TATDN3: variants seen among roughly 807,000 people sequenced by gnomAD.
TATDN3 encodes deoxyribonuclease TATDN3.
TATDN3 carries 29 observed loss-of-function variants against 40.1 expected under a neutral mutation model. The ratio of observed to expected loss-of-function variants is 0.72; its 90% CI spans 0.54 to 0.99. The LOEUF is 0.99. Ranked by LOEUF, TATDN3 falls within the 50% of genes least tolerant of loss-of-function variation. The pLI, the probability that TATDN3 is intolerant of heterozygous loss-of-function variation, is 0.00. For missense variants in TATDN3, 309 were observed against 321.9 expected (o/e 0.96, Z 0.31); for synonymous variants, 105 against 117.0 (o/e 0.90, Z 0.66).
intron 2 of TATDN3, 23 bp from the exon 3 acceptor site, chr1:212,796,494 T>A: frequency 1.3e-6 from 2 of 1,485,204 alleles, no homozygotes; most frequent in Non-Finnish European, 1.8e-6. Context: ...TGTTTGTAAC[T>A]TTATTCTTTT....
At chr1:212,794,360 G>T (rs542687533) in intron 1 of TATDN3, among the ~76,000 whole-genome samples, 1 of 152,134 alleles carries the variant, frequency 6.6e-6, no homozygotes, top group African/African-American at 2.4e-5. Flanking sequence ...GGAGGCCAAG[G>T]TGGGTGGGTC....
intron 4 of TATDN3, among the ~76,000 whole-genome samples, chr1:212,799,926 A>G (rs967736862): frequency 3.9e-5 from 6 of 152,224 alleles, no homozygotes; most frequent in African/African-American, 1.4e-4. Context: ...GAGCAGAGTT[A>G]GCCCTATTTT....
chr1:212,806,783 T>TATATATATACAC (rs796710955), intron 7 of TATDN3, among the ~76,000 whole-genome samples: 10 of 79,518 alleles, frequency 1.3e-4, no homozygotes, highest in South Asian at 4.7e-4. Flanking sequence ...TATATATATA[T>TATATATATACAC]ACACACACAC....
Position 212,797,131 on chromosome 1 carries a change from C to T in TATDN3, c.193C>T (p.Pro65Ser), listed in dbSNP as rs1339047487. 6.2e-7 allele frequency: 1 copy of T among 1,614,048 alleles called. No individual in the cohort carries two copies. Among genetic ancestry groups the T allele is most frequent in the Non-Finnish European group, 8.5e-7 (1 of 1,179,946 alleles). The change falls in exon 4 of 10, where the codon CCA becomes TCA. Residue 65 changes from proline to serine, a missense_variant. Pro to Ser is a moderately conservative substitution (Grantham distance 74). Transcript: ENST00000366974. ...TTTTAGGTATAATGGGTTTGTCCTG[C>T]CATGCTTGGGTGTTCATCCAGTTCA... ...LSERYNGFVLPCLGVHPVQGL... is the reference protein window; with the variant it reads ...LSERYNGFVLSCLGVHPVQGL...
chr1:212,804,299 T>C, intron 5 of TATDN3, 21 bp from the exon 6 acceptor site: 1 of 1,573,002 alleles, frequency 6.4e-7, no homozygotes, highest in Admixed American at 1.7e-5. Context: ...ATATGTAATA[T>C]CTTTTATTTT....
intron 1 of TATDN3, chr1:212,793,125 A>C (rs1661471162): frequency 6.6e-6 from 1 of 152,222 alleles, no homozygotes. Context: ...GGAGGTTTGC[A>C]GGGGATAGAT....
intron 9 of TATDN3, among the ~76,000 whole-genome samples, chr1:212,814,062 C>T (rs1236048765): frequency 2.0e-5 from 3 of 151,596 alleles, no homozygotes; most frequent in African/African-American, 7.3e-5. Flanking sequence ...TCAAGTGATC[C>T]TCCCACCTCG....
In TATDN3 at chr1:212,815,212, A is replaced by C. The variant is rs977109413; in HGVS notation, c.*56A>C. The C allele has an allele frequency of 7.1e-6, 11 of 1,548,610 alleles. No individual in the cohort carries two copies. In the Admixed American group the frequency reaches 2.2e-4, roughly 32 times the overall value. On this transcript the variant is annotated 3_prime_UTR_variant, in exon 10 of 10. Transcript: ENST00000366974. ...AACTGCAGGGGGCAGCATTTGAAAA[A>C]TAGAAATGTTCTGATGAAGAATCTG... is the stretch of plus-strand genomic sequence containing the variant.
chr1:212,810,437 G>A (rs1195047574), intron 8 of TATDN3, among the ~76,000 whole-genome samples: 7 of 149,706 alleles, frequency 4.7e-5, no homozygotes, highest in Middle Eastern at 3.2e-3. Flanking sequence ...GCGTGAACCC[G>A]GGAGGCGGAG....
chr1:212,816,624 T>G lies in TATDN3; in HGVS notation c.*1468T>G, dbSNP rs1457453197. On this transcript the variant is annotated 3_prime_UTR_variant, in exon 10 of 10. Transcript: ENST00000366974. ...AAAAAATAAACTTCCTAAATCAAAG[T>G]GATTTTATGAAATGATCTTCAATAA... 3.3e-5 allele frequency: 5 copies of G among 152,204 alleles called. No individual in the cohort carries two copies. Among genetic ancestry groups the G allele is most frequent in the Admixed American group, 6.5e-5 (1 of 15,278 alleles). The allele number at this position is 152,204 out of a possible 1,614,324, so 9.4% of individuals were successfully genotyped here.
chr1:212,814,784 A>G (rs1481157557), intron 9 of TATDN3, among the ~76,000 whole-genome samples: 4 of 152,210 alleles, frequency 2.6e-5, no homozygotes, highest in Non-Finnish European at 5.9e-5. Flanking sequence ...GCTAGGAGCT[A>G]GGGACTTCAA....
intron 9 of TATDN3, among the ~76,000 whole-genome samples, chr1:212,814,774 G>A (rs896258578): frequency 4.6e-5 from 7 of 152,164 alleles, no homozygotes; most frequent in Admixed American, 3.9e-4. Flanking sequence ...TGCTTCATGT[G>A]CTAGGAGCTA....
chr1:212,796,580 C>A lies in TATDN3; in HGVS notation c.163C>A (p.Leu55Ile). 1.3e-6 allele frequency: 2 copies of A among 1,570,816 alleles called. No individual in the cohort carries two copies. The highest frequency in any genetic ancestry group is 1.8e-5 in the Admixed American group (1 of 54,244). ...AGGAGAATTTGAAAAGATTATGCAA[C>A]TTTCAGAAAGGTGCTACTTTTAATT... is the stretch of plus-strand genomic sequence containing the variant. ...HSGEFEKIMQ[L>I]SERYNGFVLP... Residue 55 changes from leucine (L) to isoleucine (I), a missense_variant, in exon 3 of 10, where the codon CTT (leucine) becomes ATT (isoleucine). Physicochemically the swap from Leu to Ile is conservative, Grantham distance 5. Transcript: ENST00000366974.
At position 212,797,226 on chromosome 1, in the gene TATDN3, AAAAC is replaced by A. The variant is rs767600117; in HGVS notation, c.258+39_258+42del. 37 of 1,525,854 alleles carry A rather than the reference AAAAC, an allele frequency of 2.4e-5. No individual in the cohort carries two copies. The African/African-American group carries it at 4.0e-4, about 16-fold the overall frequency. 94.5% of individuals were successfully genotyped at this position (1,525,854 alleles called of 1,614,324 possible). A position where few individuals can be genotyped will look rare whatever the true frequency, so the allele number is the denominator to read the frequency against. On this transcript the variant is annotated intron_variant, in intron 4 of 9. Transcript: ENST00000366974. ...CAGTCATACAAAACAGGAACCATTA[AAAAC>A]AAACAAACGAAAGAATTATTTGACT... is the stretch of plus-strand genomic sequence containing the variant.
In TATDN3 at chr1:212,816,354, C is replaced by G. The variant is rs1663183949; in HGVS notation, c.*1198C>G. 6.6e-6 allele frequency: 1 copy of G among 152,062 alleles called. No homozygotes were observed. Among genetic ancestry groups the G allele is most frequent in the Non-Finnish European group, 1.5e-5 (1 of 68,018 alleles). 9.4% of individuals were successfully genotyped at this position (152,062 alleles called of 1,614,324 possible). ...TAAAAATCTCAAAAAAATTAAAAAT[C>G]TCAAGTGTAAAAACAGTTCTGTAGA... On this transcript the variant is annotated 3_prime_UTR_variant, in exon 10 of 10. Coordinates refer to ENST00000366974, the MANE Select transcript of TATDN3 (RefSeq NM_001042552.3).
intron 7 of TATDN3, 105 bp downstream of exon 7, chr1:212,804,756 G>C: frequency 1.1e-6 from 1 of 900,540 alleles, no homozygotes; most frequent in Non-Finnish European, 1.7e-6. Flanking sequence ...TTGAAGGGCA[G>C]GGGCAAGAAG....
intron 4 of TATDN3, among the ~76,000 whole-genome samples, chr1:212,802,134 A>G (rs1662211639): frequency 6.6e-6 from 1 of 152,240 alleles, no homozygotes; most frequent in Non-Finnish European, 1.5e-5. Context: ...CATTGAAACT[A>G]ATGGTACACA....
Position 212,804,439 on chromosome 1 carries a change from T to C in TATDN3, c.431+10T>C, listed in dbSNP as rs1662339533. The C allele has an allele frequency of 7.5e-6, 12 of 1,606,896 alleles. No homozygotes were observed. In the East Asian group the frequency reaches 2.5e-4, roughly 33 times the overall value. ...GACTAAATTTGCCTGTGTAGGTTAA[T>C]TATTTTCCTATGTTAATAGCTATAG... On this transcript the variant is annotated intron_variant, in intron 6 of 9. Transcript: ENST00000366974.
intron 3 of TATDN3, 112 bp from the exon 4 acceptor site, chr1:212,797,000 T>A: frequency 1.3e-6 from 1 of 775,470 alleles, no homozygotes; most frequent in Non-Finnish European, 2.2e-6. Flanking sequence ...CCTCCCAAAG[T>A]GCTGGAATTA....
Sources: allele counts gnomAD v4.1 joint callset (sites outside exome capture counted in the v4.1 genomes callset), GRCh38; gene constraint gnomAD v4.1.1; transcripts MANE v1.5; gene names NCBI Gene and HGNC (gene_info 2026-07-23, HGNC 2026-07-21).